EPHA6: variants seen among roughly 807,000 people sequenced by gnomAD.
The protein encoded by EPHA6 is EPH receptor A6.
Under a neutral mutation model 112.0 loss-of-function variants are expected in EPHA6, and 50 were observed. The ratio of observed to expected loss-of-function variants is 0.45; its 90% CI spans 0.36 to 0.56. EPHA6 has a LOEUF of 0.56. Among genes scored for constraint, EPHA6 ranks in the 20% least tolerant of loss-of-function variants. The pLI, the probability that EPHA6 is intolerant of heterozygous loss-of-function variation, is 0.00. For synonymous variants in EPHA6, 529 were observed against 490.7 expected (o/e 1.08, Z -1.03); for missense variants, 1,280 against 1,417.4 (o/e 0.90, Z 1.56).
intron 7 of EPHA6, among the ~76,000 whole-genome samples, chr3:97,472,071 A>G (rs2107447676): frequency 6.6e-6 from 1 of 151,654 alleles, no homozygotes; most frequent in African/African-American, 2.4e-5. Flanking sequence ...TCATAAGGAC[A>G]CTTGTCATTG....
At chr3:97,141,415 T>A (rs772165328) in intron 3 of EPHA6, among the ~76,000 whole-genome samples, 8 of 151,974 alleles carry the variant, frequency 5.3e-5, no homozygotes, top group Admixed American at 1.3e-4. Context: ...TCTCCAAAAT[T>A]GACCATATGC....
intron 5 of EPHA6, among the ~76,000 whole-genome samples, chr3:97,383,896 T>A (rs1365091712): frequency 6.6e-6 from 1 of 152,162 alleles, no homozygotes; most frequent in Non-Finnish European, 1.5e-5. Flanking sequence ...ACATCTAATT[T>A]TCTGGAAAAT....
chr3:97,131,792 A>G (rs1034109311), intron 3 of EPHA6, among the ~76,000 whole-genome samples: 7 of 152,136 alleles, frequency 4.6e-5, no homozygotes, highest in Admixed American at 4.6e-4. Context: ...AATAAGCTAG[A>G]AAATTTAGAT....
chr3:96,818,940 A>T (rs1307857184), intron 1 of EPHA6, among the ~76,000 whole-genome samples: 1 of 151,950 alleles, frequency 6.6e-6, no homozygotes, highest in African/African-American at 2.4e-5. Context: ...TTATACATTT[A>T]CAATATAAAA....
rs2107925286 is a variant in EPHA6, at chr3:97,753,032, A to G, written c.*4331A>G. Among the ~76,000 whole-genome samples, 1 of 152,302 alleles carries G rather than the reference A, an allele frequency of 6.6e-6. No homozygotes were observed. The highest frequency in any genetic ancestry group is 2.4e-5 in the African/African-American group (1 of 41,578). The stretch of plus-strand genomic sequence containing the variant: ...AAAAGGTAGAGGAGTACACTGGGTT[A>G]AATGGATGGTATTCTTCCACCAGAA... On this transcript the variant is annotated 3_prime_UTR_variant, in exon 18 of 18. Coordinates refer to ENST00000389672, the MANE Select transcript of EPHA6 (RefSeq NM_001080448.3).
At chr3:97,210,356 T>G (rs1251253931) in intron 3 of EPHA6, among the ~76,000 whole-genome samples, 4 of 152,070 alleles carry the variant, frequency 2.6e-5, no homozygotes, top group African/African-American at 7.2e-5. Flanking sequence ...GAAGAGCCCC[T>G]TATGCAACCT....
At chr3:96,938,989 G>A (rs2040773004) in intron 2 of EPHA6, among the ~76,000 whole-genome samples, 1 of 152,110 alleles carries the variant, frequency 6.6e-6, no homozygotes, top group East Asian at 1.9e-4. Context: ...TTTTTGATGT[G>A]CTGCTGGATT....
intron 3 of EPHA6, among the ~76,000 whole-genome samples, chr3:97,213,556 G>A (rs1308634664): frequency 1.3e-5 from 2 of 152,282 alleles, no homozygotes; most frequent in East Asian, 3.9e-4. Context: ...TCCTGGAGCT[G>A]TCTATGGCCT....
intron 14 of EPHA6, among the ~76,000 whole-genome samples, chr3:97,664,679 A>T (rs1167304516): frequency 6.6e-6 from 1 of 152,204 alleles, no homozygotes; most frequent in Non-Finnish European, 1.5e-5. Context: ...CACCAATAAC[A>T]GATAAACAAA....
intron 11 of EPHA6, among the ~76,000 whole-genome samples, chr3:97,563,381 A>G (rs1577790319): frequency 6.6e-6 from 1 of 152,216 alleles, no homozygotes; most frequent in Non-Finnish European, 1.5e-5. Context: ...AATGTCCCAC[A>G]GAACTTCAAG....
chr3:97,648,390 A>C, intron 14 of EPHA6: 2 of 1,541,350 alleles, frequency 1.3e-6, no homozygotes, highest in Non-Finnish European at 1.7e-6. Flanking sequence ...ACCCAACTGG[A>C]GATAATTATA....
At chr3:97,206,412 A>G (rs768156361) in intron 3 of EPHA6, among the ~76,000 whole-genome samples, 12 of 152,098 alleles carry the variant, frequency 7.9e-5, no homozygotes, top group Non-Finnish European at 1.8e-4. Context: ...ATACCCTATT[A>G]GCTACCTTAT....
In EPHA6 at chr3:97,089,902, A is replaced by G. The variant is rs180848725; in HGVS notation, c.1114+101909A>G. Among the ~76,000 whole-genome samples, 6 of 152,256 alleles carry G rather than the reference A, an allele frequency of 3.9e-5. 1 individual carries two copies. In the South Asian group the frequency reaches 6.2e-4, roughly 16 times the overall value. On this transcript the variant is annotated intron_variant, in intron 3 of 17. Coordinates refer to ENST00000389672, the MANE Select transcript of EPHA6 (RefSeq NM_001080448.3). ...GTGATGCTGGTTTAATTGAAAACAA[A>G]CAGGGAGATTATTTTCACCACTTCC...
chr3:97,560,269 C>T (rs190098715), intron 11 of EPHA6, among the ~76,000 whole-genome samples: 27 of 151,846 alleles, frequency 1.8e-4, no homozygotes, highest in South Asian at 6.2e-4. Context: ...GCCCTGAGAA[C>T]GATTGATTTA....
intron 14 of EPHA6, 140 bp from the exon 15 acceptor site, chr3:97,720,121 C>A: frequency 1.6e-6 from 1 of 636,044 alleles, no homozygotes; most frequent in Non-Finnish European, 2.3e-6. Context: ...ATTATTCTGG[C>A]TTTCTTTTGA....
intron 3 of EPHA6, among the ~76,000 whole-genome samples, chr3:97,038,800 G>C (rs889885453): frequency 2.6e-5 from 4 of 151,468 alleles, no homozygotes; most frequent in African/African-American, 9.8e-5. Flanking sequence ...GTGAGTCGGG[G>C]GGAAATGTTC....
intron 3 of EPHA6, among the ~76,000 whole-genome samples, chr3:97,040,862 G>A (rs905598606): frequency 1.2e-4 from 19 of 152,010 alleles, no homozygotes; most frequent in African/African-American, 4.6e-4. Context: ...TAAAAATATT[G>A]TTAATTCTGA....
intron 3 of EPHA6, among the ~76,000 whole-genome samples, chr3:97,130,417 C>A (rs549255100): frequency 6.6e-6 from 1 of 150,506 alleles, no homozygotes; most frequent in East Asian, 1.9e-4. Flanking sequence ...CAGGTTTAAT[C>A]CAGTTTTTAT....
At chr3:96,927,892 C>G (rs1236512219) in intron 2 of EPHA6, among the ~76,000 whole-genome samples, 1 of 152,184 alleles carries the variant, frequency 6.6e-6, no homozygotes, top group East Asian at 1.9e-4. Flanking sequence ...GTTTAATTTA[C>G]TCACAGTTCT....
Sources: gnomAD v4.1 joint callset for allele counts (sites outside exome capture counted in the v4.1 genomes callset) on GRCh38, gnomAD v4.1.1 for gene constraint, MANE v1.5 for transcripts, NCBI Gene and HGNC (gene_info 2026-07-23, HGNC 2026-07-21) for gene names.